USH2A: variants seen among roughly 807,000 people sequenced by gnomAD.
USH2A encodes the protein Usher syndrome 2A (autosomal recessive, mild).
A neutral mutation model predicts 538.9 loss-of-function variants in USH2A; 443 were observed. The ratio of observed to expected loss-of-function variants is 0.82; its 90% CI spans 0.76 to 0.89. USH2A has a LOEUF of 0.89. USH2A is among the 40% of genes least tolerant of loss of function. The pLI, the probability that USH2A is intolerant of heterozygous loss-of-function variation, is 0.00. For missense variants in USH2A, 6,633 were observed against 6,324.8 expected (o/e 1.05, Z -1.65); for synonymous variants, 2,413 against 2,273.5 (o/e 1.06, Z -1.75).
intron 61 of USH2A, among the ~76,000 whole-genome samples, chr1:215,707,071 A>G (rs1480009101): frequency 6.6e-6 from 1 of 152,180 alleles, no homozygotes; most frequent in African/African-American, 2.4e-5. Context: ...ATTTTTCCAC[A>G]ATCATTTTTA....
chr1:215,746,229 T>C (rs1040692957), intron 58 of USH2A, among the ~76,000 whole-genome samples: 10 of 152,152 alleles, frequency 6.6e-5, no homozygotes, highest in African/African-American at 1.4e-4. Flanking sequence ...ATTAAATTAA[T>C]TGGTGTGTCT....
intron 31 of USH2A, among the ~76,000 whole-genome samples, 184 bp downstream of exon 31, chr1:216,048,350 G>A (rs933880413): frequency 6.6e-6 from 1 of 152,148 alleles, no homozygotes; most frequent in Non-Finnish European, 1.5e-5. Flanking sequence ...TGTCATTAAA[G>A]GGTATGGAGT....
chr1:216,406,534 A>C (rs1451063395), intron 3 of USH2A, among the ~76,000 whole-genome samples: 1 of 152,156 alleles, frequency 6.6e-6, no homozygotes, highest in Non-Finnish European at 1.5e-5. Context: ...ACCAACAAGC[A>C]CTACCTATAC....
chr1:215,655,768 C>T (rs1657230987), intron 64 of USH2A, among the ~76,000 whole-genome samples: 1 of 136,376 alleles, frequency 7.3e-6, no homozygotes, highest in South Asian at 2.5e-4. Context: ...CAGAGTCTCG[C>T]TCTTTCACCA....
intron 19 of USH2A, among the ~76,000 whole-genome samples, chr1:216,193,449 G>A (rs2034763936): frequency 6.6e-6 from 1 of 151,984 alleles, no homozygotes; most frequent in Admixed American, 6.6e-5. Context: ...GTTGTACATG[G>A]GTTCTGGTCT....
At chr1:216,101,467 A>ATGCGGTG (rs1181031553) in intron 21 of USH2A, among the ~76,000 whole-genome samples, 1 of 152,236 alleles carries the variant, frequency 6.6e-6, no homozygotes, top group Non-Finnish European at 1.5e-5. Flanking sequence ...GAAAGTGGAC[A>ATGCGGTG]TGCGGTGTGC....
At chr1:216,215,645 T>A (rs191002658) in intron 15 of USH2A, among the ~76,000 whole-genome samples, 2 of 152,074 alleles carry the variant, frequency 1.3e-5, no homozygotes, top group African/African-American at 4.8e-5. Context: ...TTACACAGTG[T>A]TTCAAAAATT....
At chr1:215,632,904 G>A (rs926295452) in intron 70 of USH2A, among the ~76,000 whole-genome samples, 3 of 152,080 alleles carry the variant, frequency 2.0e-5, no homozygotes, top group Non-Finnish European at 2.9e-5. Flanking sequence ...GTGATCACTC[G>A]ACATTCATTC....
intron 21 of USH2A, among the ~76,000 whole-genome samples, chr1:216,133,583 A>C (rs901910649): frequency 5.9e-5 from 9 of 152,088 alleles, no homozygotes; most frequent in Admixed American, 6.6e-5. Flanking sequence ...CAGCTGAGGA[A>C]TTAGAAGCTG....
chr1:215,778,449 C>A (rs1318561503), intron 55 of USH2A, among the ~76,000 whole-genome samples: 1 of 152,058 alleles, frequency 6.6e-6, no homozygotes, highest in Non-Finnish European at 1.5e-5. Flanking sequence ...AGGTTTACGG[C>A]CCTTTTGGAA....
chr1:216,380,652 C>T (rs2038908924), intron 3 of USH2A, among the ~76,000 whole-genome samples: 1 of 152,064 alleles, frequency 6.6e-6, no homozygotes, highest in Admixed American at 6.6e-5. Context: ...AGTTTAGTCA[C>T]AGTTTTTCTA....
intron 4 of USH2A, among the ~76,000 whole-genome samples, chr1:216,338,697 GAC>G (rs2038020592): frequency 1.3e-5 from 2 of 151,454 alleles, no homozygotes; most frequent in South Asian, 4.2e-4. Flanking sequence ...AACTTTTACT[GAC>G]AAGGAAATGC....
At chr1:215,834,339 A>C (rs1558118749) in intron 47 of USH2A, among the ~76,000 whole-genome samples, 1 of 152,192 alleles carries the variant, frequency 6.6e-6, no homozygotes, top group South Asian at 2.1e-4. Context: ...CTTACTCAGC[A>C]ACAAAAACTG....
intron 60 of USH2A, among the ~76,000 whole-genome samples, chr1:215,730,442 T>C (rs553594855): frequency 1.3e-5 from 2 of 152,302 alleles, no homozygotes; most frequent in East Asian, 1.9e-4. Flanking sequence ...AACCAAGACA[T>C]TGACCCTCCT....
intron 37 of USH2A, among the ~76,000 whole-genome samples, chr1:215,945,678 G>A (rs189874132): frequency 8.1e-4 from 123 of 152,144 alleles, no homozygotes; most frequent in Non-Finnish European, 1.6e-3. Flanking sequence ...TACAAATGAA[G>A]ATTATTATCT....
At chr1:216,227,935 A>C (rs1405731292) in intron 14 of USH2A, among the ~76,000 whole-genome samples, 1 of 152,192 alleles carries the variant, frequency 6.6e-6, no homozygotes, top group African/African-American at 2.4e-5. Context: ...CTGACCCCAC[A>C]GTACAGCAGA....
chr1:215,740,948 T>G (rs1045444377), intron 60 of USH2A, among the ~76,000 whole-genome samples: 7 of 152,000 alleles, frequency 4.6e-5, no homozygotes, highest in African/African-American at 1.7e-4. Context: ...TGACAGGAGG[T>G]GAAGCTCCGG....
At position 215,675,103 on chromosome 1, in the gene USH2A, C is replaced by T; in HGVS notation, c.12808G>A (p.Val4270Met). Residue 4270 changes from valine (V) to methionine (M), a missense_variant, in exon 63 of 72, where the codon GTG becomes ATG. By Grantham distance (21) the Val-to-Met change is conservative. Coordinates refer to ENST00000307340, the MANE Select transcript of USH2A (RefSeq NM_206933.4). The stretch of plus-strand genomic sequence containing the variant: ...GGATTCATAGAAACATAGGATATCA[C>T]AGGTGGAGAGAGACCTTCTGGAGGT... ...QAPPEGLSPP[V>M]ISYVSMNPQK... 1.9e-6 allele frequency: 3 copies of T among 1,614,118 alleles called. No homozygotes were observed.
intron 41 of USH2A, among the ~76,000 whole-genome samples, chr1:215,882,678 T>G (rs1664944826): frequency 6.6e-6 from 1 of 152,110 alleles, no homozygotes; most frequent in Admixed American, 6.5e-5. Context: ...GGTCTCTCTC[T>G]CTTTCTCTTT....
Sources: allele counts gnomAD v4.1 joint callset (sites outside exome capture counted in the v4.1 genomes callset), GRCh38; gene constraint gnomAD v4.1.1; transcripts MANE v1.5; gene names NCBI Gene and HGNC (gene_info 2026-07-23, HGNC 2026-07-21).